Variants in SLC25A40 observed in about 807,000 individuals in gnomAD.
SLC25A40 encodes solute carrier family 25 member 40.
SLC25A40 carries 41 observed loss-of-function variants against 46.5 expected under a neutral mutation model. The observed-to-expected ratio is 0.88, with a 90% CI of 0.69 to 1.14. The LOEUF (loss-of-function observed/expected upper bound fraction) is 1.14, where lower values mean the gene tolerates loss of function less well. SLC25A40 is among the 50% of genes most tolerant of loss of function. The probability of loss-of-function intolerance (pLI) is 0.00; values close to 1 mark genes in which losing one functional copy is unlikely to be tolerated. For missense variants in SLC25A40, 386 were observed against 393.6 expected (o/e 0.98, Z 0.16); for synonymous variants, 126 against 127.5 (o/e 0.99, Z 0.08).
chr7:87,856,168 T>C (rs930263754), intron 4 of SLC25A40, 124 bp downstream of exon 4: 19 of 837,922 alleles, frequency 2.3e-5, no homozygotes, highest in South Asian at 3.6e-5. Context: ...AAAAAAAAAG[T>C]TTTTCATGAG....
chr7:87,838,955 T>C (rs534881020), intron 10 of SLC25A40, among the ~76,000 whole-genome samples: 1 of 151,704 alleles, frequency 6.6e-6, no homozygotes, highest in East Asian at 1.9e-4. Flanking sequence ...TAAAGGGACA[T>C]TTAGGTGATT....
At chr7:87,870,024 A>G (rs1838871956) in intron 1 of SLC25A40, among the ~76,000 whole-genome samples, 1 of 151,910 alleles carries the variant, frequency 6.6e-6, no homozygotes, top group Admixed American at 6.6e-5. Flanking sequence ...TCATTGTGGT[A>G]TTACTTTGCA....
At chr7:87,851,050 CA>C (rs1838499462) in intron 5 of SLC25A40, among the ~76,000 whole-genome samples, 1 of 152,100 alleles carries the variant, frequency 6.6e-6, no homozygotes, top group African/African-American at 2.4e-5. Context: ...ATTTCAACTC[CA>C]GTTACATTCT....
chr7:87,836,581 TAAC>T, intron 11 of SLC25A40, 146 bp downstream of exon 11: 1 of 544,036 alleles, frequency 1.8e-6, no homozygotes, highest in Non-Finnish European at 3.1e-6. Flanking sequence ...ATCTTTTATT[TAAC>T]ATTTATTTTA....
intron 1 of SLC25A40, among the ~76,000 whole-genome samples, chr7:87,868,196 A>G (rs555530665): frequency 6.6e-5 from 10 of 152,286 alleles, no homozygotes; most frequent in Non-Finnish European, 1.3e-4. Flanking sequence ...CAATCTCACA[A>G]CTTCCAGTAT....
intron 10 of SLC25A40, among the ~76,000 whole-genome samples, chr7:87,841,187 A>G (rs1838330404): frequency 6.7e-6 from 1 of 149,382 alleles, no homozygotes; most frequent in South Asian, 2.1e-4. Context: ...ACATATATAT[A>G]ATCAAAAAAT....
In SLC25A40 at chr7:87,836,168, G is replaced by T; in HGVS notation, c.*81C>A. On this transcript the variant is annotated 3_prime_UTR_variant, in exon 12 of 12. Coordinates refer to ENST00000341119, the MANE Select transcript of SLC25A40 (RefSeq NM_018843.4). ...AGAAAGACATAAAATCATTGTGAGA[G>T]AATAATGGTGAAAAACATTCTTGCC... The T allele has an allele frequency of 1.3e-6, 1 of 762,708 alleles. No homozygotes were observed. The highest frequency in any genetic ancestry group is 2.2e-6 in the Non-Finnish European group (1 of 464,252). The allele number at this position is 762,708 out of a possible 1,614,324, so 47.2% of individuals were successfully genotyped here.
chr7:87,850,671 G>A (rs1319198715), intron 5 of SLC25A40, among the ~76,000 whole-genome samples: 2 of 152,004 alleles, frequency 1.3e-5, no homozygotes, highest in Non-Finnish European at 2.9e-5. Flanking sequence ...GGGAGTCTGA[G>A]GTGGGAGGAC....
chr7:87,838,644 T>C (rs1299968938), intron 10 of SLC25A40, among the ~76,000 whole-genome samples: 2 of 151,502 alleles, frequency 1.3e-5, no homozygotes, highest in Non-Finnish European at 3.0e-5. Flanking sequence ...TTCCTCCTTC[T>C]CAAAGGTAAT....
At chr7:87,875,597 T>C (rs1157981940) in intron 1 of SLC25A40, among the ~76,000 whole-genome samples, 1 of 151,642 alleles carries the variant, frequency 6.6e-6, no homozygotes, top group Non-Finnish European at 1.5e-5. Flanking sequence ...AATTAAAATA[T>C]ATTCACAAGC....
chr7:87,866,326 T>A (rs936300373), intron 1 of SLC25A40, among the ~76,000 whole-genome samples: 6 of 148,182 alleles, frequency 4.0e-5, no homozygotes, highest in Non-Finnish European at 7.4e-5. Flanking sequence ...GGATGGCAGA[T>A]TTTTTTTTTC....
intron 9 of SLC25A40, chr7:87,841,935 C>T: frequency 3.0e-6 from 1 of 332,986 alleles, no homozygotes; most frequent in South Asian, 3.3e-5. Context: ...CCCTTACTTT[C>T]CTGAGGTCAC....
Position 87,833,605 on chromosome 7 carries a change from TAGAAGAAAATTCAAAA to T in SLC25A40, c.*2628_*2643del, listed in dbSNP as rs1444930643. The T allele has an allele frequency of 6.6e-6, 1 of 151,972 alleles. No homozygotes were observed. Among genetic ancestry groups the T allele is most frequent in the East Asian group, 1.9e-4 (1 of 5,192 alleles). The allele number at this position is 151,972 out of a possible 1,614,324, so 9.4% of individuals were successfully genotyped here. On this transcript the variant is annotated 3_prime_UTR_variant, in exon 12 of 12. Transcript: ENST00000341119. ...TATCTTTTATTTAAAAAGTTCATCTTAGAAGAAAATTCAAAAGGGATACAATAAACTTTTCCATATC... is the reference window on the plus strand; with the variant it reads ...TATCTTTTATTTAAAAAGTTCATCTTGGGATACAATAAACTTTTCCATATC...
intron 1 of SLC25A40, among the ~76,000 whole-genome samples, chr7:87,866,382 G>T (rs1191260901): frequency 6.6e-6 from 1 of 152,052 alleles, no homozygotes; most frequent in Non-Finnish European, 1.5e-5. Flanking sequence ...TGGCCTGTAT[G>T]GCTTCTGTTG....
At chr7:87,844,093 A>G (rs1350734596) in intron 8 of SLC25A40, 10 of 608,026 alleles carry the variant, frequency 1.6e-5, no homozygotes, top group Admixed American at 6.3e-5. Context: ...AAGTAGGACT[A>G]TAATTCCAAA....
Position 87,835,248 on chromosome 7 carries a change from A to G in SLC25A40, c.*1001T>C, listed in dbSNP as rs1018448238. The G allele has an allele frequency of 1.3e-5, 2 of 151,658 alleles. No individual in the cohort carries two copies. The highest frequency in any genetic ancestry group is 1.9e-4 in the East Asian group (1 of 5,196). The allele number at this position is 151,658 out of a possible 1,614,324, so 9.4% of individuals were successfully genotyped here. A position where few individuals can be genotyped will look rare whatever the true frequency, so the allele number is the denominator to read the frequency against. ...TAGACATGTATGGTGACTGAAAGCA[A>G]TGTCTTCAAGGAAACAGCTTCTTGT... On this transcript the variant is annotated 3_prime_UTR_variant, in exon 12 of 12. Coordinates refer to ENST00000341119, the MANE Select transcript of SLC25A40 (RefSeq NM_018843.4).
chr7:87,875,341 C>T (rs1838976724), intron 1 of SLC25A40, among the ~76,000 whole-genome samples: 1 of 152,152 alleles, frequency 6.6e-6, no homozygotes, highest in African/African-American at 2.4e-5. Context: ...CCTTAGCAAA[C>T]CTGTTCTCTG....
intron 5 of SLC25A40, 124 bp downstream of exon 5, chr7:87,854,080 G>A: frequency 1.5e-6 from 1 of 670,390 alleles, no homozygotes; most frequent in South Asian, 2.0e-5. Flanking sequence ...AGGGTTAAAA[G>A]CAAAGAAGTA....
At chr7:87,864,677 C>T (rs1838760919) in intron 1 of SLC25A40, among the ~76,000 whole-genome samples, 1 of 152,162 alleles carries the variant, frequency 6.6e-6, no homozygotes, top group African/African-American at 2.4e-5. Flanking sequence ...CTTTCCCCAT[C>T]CCTTCATTTT....
Sources: allele counts gnomAD v4.1 joint callset (sites outside exome capture counted in the v4.1 genomes callset), GRCh38; gene constraint gnomAD v4.1.1; transcripts MANE v1.5; gene names NCBI Gene and HGNC (gene_info 2026-07-23, HGNC 2026-07-21).